Variants in UBE2E2 observed in about 807,000 individuals in gnomAD.
UBE2E2 encodes ubiquitin-conjugating enzyme E2 E2.
A neutral mutation model predicts 24.7 loss-of-function variants in UBE2E2; 6 were observed. The ratio of observed to expected loss-of-function variants is 0.24; its 90% confidence interval spans 0.13 to 0.48. The LOEUF is 0.48. UBE2E2 is among the 20% of genes least tolerant of loss of function. The pLI, the probability that UBE2E2 is intolerant of heterozygous loss-of-function variation, is 0.99. For missense variants in UBE2E2, 169 were observed against 245.0 expected, an observed-to-expected ratio of 0.69 and a Z score of 2.07; for synonymous variants, 104 against 83.6, an observed-to-expected ratio of 1.24 and a Z score of -1.33.
intron 3 of UBE2E2, among the ~76,000 whole-genome samples, chr3:23,390,665 C>A (rs1251305463): frequency 6.6e-6 from 1 of 152,166 alleles, no homozygotes; most frequent in Non-Finnish European, 1.5e-5. Flanking sequence ...TTGTAACATA[C>A]CCTTAGACAG....
At chr3:23,369,727 C>A (rs965369333) in intron 3 of UBE2E2, among the ~76,000 whole-genome samples, 1 of 152,130 alleles carries the variant, frequency 6.6e-6, no homozygotes, top group East Asian at 1.9e-4. Context: ...CATTAAGGTC[C>A]TATGAGTCTC....
intron 1 of UBE2E2, among the ~76,000 whole-genome samples, chr3:23,205,061 A>AG (rs1696111009): frequency 6.6e-6 from 1 of 152,326 alleles, no homozygotes; most frequent in African/African-American, 2.4e-5. Flanking sequence ...GCTAATTTCC[A>AG]GGACTGTAAT....
chr3:23,552,116 ATAAATTTCTGC>A (rs1354920264), intron 5 of UBE2E2, among the ~76,000 whole-genome samples: 1 of 152,160 alleles, frequency 6.6e-6, no homozygotes, highest in Non-Finnish European at 1.5e-5. Flanking sequence ...ACTGAGAGAA[ATAAATTTCTGC>A]TTTTTAAGCC....
At chr3:23,270,692 A>G (rs1391474663) in intron 3 of UBE2E2, among the ~76,000 whole-genome samples, 3 of 152,202 alleles carry the variant, frequency 2.0e-5, no homozygotes, top group East Asian at 1.9e-4. Context: ...GTTTGACTGA[A>G]TGGGTTATTA....
intron 3 of UBE2E2, among the ~76,000 whole-genome samples, chr3:23,301,909 C>T (rs1699107218): frequency 7.1e-6 from 1 of 141,104 alleles, no homozygotes; most frequent in Non-Finnish European, 1.5e-5. Flanking sequence ...CCTCCCCTTC[C>T]TTAATGTTTC....
intron 3 of UBE2E2, among the ~76,000 whole-genome samples, chr3:23,401,848 C>CTTTTTTTT (rs35903137): frequency 7.4e-5 from 5 of 67,704 alleles, no homozygotes; most frequent in Admixed American, 1.8e-4. Context: ...TGCCTGGCTA[C>CTTTTTTTT]TTTTTTTTTT....
rs376577709 is a variant in UBE2E2, at chr3:23,353,101, C to A, written c.227+135789C>A. ...CAAGATATGCAAATCAATAAATGTACTCCAGCATATAAACAGAACCAAAGA... is the reference window on the plus strand; with the variant it reads ...CAAGATATGCAAATCAATAAATGTAATCCAGCATATAAACAGAACCAAAGA... On this transcript the variant is annotated intron_variant, in intron 3 of 5. Transcript: ENST00000396703. Among the ~76,000 whole-genome samples the A allele has an allele frequency of 9.9e-5, 15 of 152,282 alleles. 2 individuals carry two copies. Among genetic ancestry groups the A allele is most frequent in the Middle Eastern group, 3.4e-3 (1 of 294 alleles).
At chr3:23,297,809 T>C (rs1015938328) in intron 3 of UBE2E2, among the ~76,000 whole-genome samples, 2 of 152,156 alleles carry the variant, frequency 1.3e-5, no homozygotes, top group African/African-American at 4.8e-5. Context: ...AGTAGTTTTT[T>C]CCAATTCTGT....
chr3:23,204,598 T>C, intron 1 of UBE2E2: 1 of 791,558 alleles, frequency 1.3e-6, no homozygotes, highest in Non-Finnish European at 1.5e-6. Flanking sequence ...ATTTGGATGC[T>C]CCTTGGCTCT....
intron 3 of UBE2E2, among the ~76,000 whole-genome samples, chr3:23,227,295 CT>C (rs1216931366): frequency 1.3e-5 from 2 of 152,114 alleles, no homozygotes; most frequent in Non-Finnish European, 2.9e-5. Context: ...TTTTTCTACC[CT>C]TTTCCCTCTT....
At chr3:23,259,075 T>A (rs1262911269) in intron 3 of UBE2E2, among the ~76,000 whole-genome samples, 3 of 152,124 alleles carry the variant, frequency 2.0e-5, no homozygotes, top group Non-Finnish European at 2.9e-5. Context: ...CTTTTAAAAT[T>A]GAACATTGTA....
At chr3:23,406,215 G>T (rs2125376226) in intron 3 of UBE2E2, among the ~76,000 whole-genome samples, 1 of 152,300 alleles carries the variant, frequency 6.6e-6, no homozygotes, top group African/African-American at 2.4e-5. Context: ...GGATCTCCCA[G>T]TTCCCTTCCT....
At chr3:23,566,017 C>T (rs182635078) in intron 5 of UBE2E2, among the ~76,000 whole-genome samples, 72 of 152,246 alleles carry the variant, frequency 4.7e-4, no homozygotes, top group South Asian at 2.7e-3. Context: ...CATATTAATG[C>T]GTTGTTTTAA....
At chr3:23,387,975 G>A (rs1696840445) in intron 3 of UBE2E2, among the ~76,000 whole-genome samples, 1 of 152,116 alleles carries the variant, frequency 6.6e-6, no homozygotes, top group South Asian at 2.1e-4. Flanking sequence ...ACAACCAAAT[G>A]ACTGAGAGGA....
intron 3 of UBE2E2, among the ~76,000 whole-genome samples, chr3:23,327,131 C>T (rs1470253200): frequency 1.3e-5 from 2 of 152,174 alleles, no homozygotes; most frequent in African/African-American, 4.8e-5. Flanking sequence ...CTGCAATAAA[C>T]ATACATGTGC....
chr3:23,493,145 C>G (rs1042782104), intron 3 of UBE2E2, among the ~76,000 whole-genome samples: 4 of 152,144 alleles, frequency 2.6e-5, no homozygotes, highest in African/African-American at 9.7e-5. Flanking sequence ...TTCCTCTTTA[C>G]CTGTCCCAAA....
At chr3:23,453,416 G>T (rs1376915048) in intron 3 of UBE2E2, among the ~76,000 whole-genome samples, 1 of 151,960 alleles carries the variant, frequency 6.6e-6, no homozygotes, top group Admixed American at 6.6e-5. Flanking sequence ...AAGAAAGTTG[G>T]CATGAATATG....
intron 3 of UBE2E2, among the ~76,000 whole-genome samples, chr3:23,381,512 G>A (rs1024078558): frequency 5.3e-5 from 8 of 152,068 alleles, no homozygotes; most frequent in African/African-American, 1.9e-4. Flanking sequence ...TAAGGTAATG[G>A]GTGTGTGTTA....
intron 3 of UBE2E2, among the ~76,000 whole-genome samples, chr3:23,364,473 A>G (rs1042394254): frequency 6.6e-6 from 1 of 152,082 alleles, no homozygotes; most frequent in African/African-American, 2.4e-5. Context: ...ATACAAAAAA[A>G]CCCCAGAGAC....
Sources: allele counts gnomAD v4.1 joint callset (sites outside exome capture counted in the v4.1 genomes callset), GRCh38; gene constraint gnomAD v4.1.1; transcripts MANE v1.5; gene names NCBI Gene and HGNC (gene_info 2026-07-23, HGNC 2026-07-21).